Variants in ZMYM1 observed in about 807,000 individuals in gnomAD.
ZMYM1 encodes zinc finger MYM-type containing 1, also known as zinc finger MYM-type protein 1.
Under a neutral mutation model 60.0 loss-of-function variants are expected in ZMYM1, and 39 were observed. The ratio of observed to expected loss-of-function variants is 0.65; its 90% CI spans 0.50 to 0.85. ZMYM1 has a LOEUF of 0.85. Ranked by LOEUF, ZMYM1 falls within the 40% of genes least tolerant of loss-of-function variation. The probability of loss-of-function intolerance (pLI) is 0.00; values close to 1 mark genes in which losing one functional copy is unlikely to be tolerated. For synonymous variants in ZMYM1, 413 were observed against 454.0 expected, an observed-to-expected ratio of 0.91 and a Z score of 1.15; for missense variants, 1,171 against 1,309.5, an observed-to-expected ratio of 0.89 and a Z score of 1.63.
intron 1 of ZMYM1, among the ~76,000 whole-genome samples, chr1:35,086,710 T>G (rs544149235): frequency 2.1e-4 from 32 of 152,088 alleles, no homozygotes; most frequent in South Asian, 8.3e-4. Flanking sequence ...AGATGCAGTT[T>G]CGCACTGTCA....
rs979288971 is a variant in ZMYM1 at position 35,104,335 on chromosome 1, G to A, written c.460G>A (p.Glu154Lys). 2 of 1,606,908 alleles carry A rather than the reference G, an allele frequency of 1.2e-6. No homozygotes were observed. Among genetic ancestry groups the A allele is most frequent in the African/African-American group, 1.3e-5 (1 of 74,300 alleles). Residue 154 changes from glutamate to lysine, a missense_variant, in exon 5 of 10, where the codon GAA (glutamate) becomes AAA (lysine). Transcript: ENST00000359858. ...AAAGGATGTGATTAGTGTCCAGCTG[G>A]AAGACACTACCTCTTGCAAAACTTT... is the stretch of plus-strand genomic sequence containing the variant. ...NPKDVISVQLEDTTSCKTFCS... is the reference protein window; with the variant it reads ...NPKDVISVQLKDTTSCKTFCS...
intron 1 of ZMYM1, among the ~76,000 whole-genome samples, chr1:35,086,369 A>G (rs1642654638): frequency 6.6e-6 from 1 of 151,996 alleles, no homozygotes; most frequent in Non-Finnish European, 1.5e-5. Flanking sequence ...TGGTGGCGCA[A>G]TCATATCTCA....
At chr1:35,105,156 A>C (rs1643857178) in intron 6 of ZMYM1, among the ~76,000 whole-genome samples, 1 of 102,666 alleles carries the variant, frequency 9.7e-6, no homozygotes, top group South Asian at 3.2e-4. Flanking sequence ...TTTTGGTGAG[A>C]TGGAGTCTTC....
chr1:35,108,837 T>C (rs1030106463), intron 6 of ZMYM1, among the ~76,000 whole-genome samples: 5 of 151,500 alleles, frequency 3.3e-5, no homozygotes, highest in African/African-American at 1.2e-4. Context: ...CAGCCTCCCA[T>C]GTAGCTGGGA....
At chr1:35,111,248 A>G (rs990030676) in intron 7 of ZMYM1, among the ~76,000 whole-genome samples, 10 of 152,220 alleles carry the variant, frequency 6.6e-5, no homozygotes, top group East Asian at 1.9e-4. Flanking sequence ...TATTCCATCA[A>G]AAAGCCTCAT....
upstream of ZMYM1, among the ~76,000 whole-genome samples, chr1:35,074,930 G>A (rs186316604): frequency 4.0e-5 from 6 of 151,208 alleles, no homozygotes; most frequent in East Asian, 2.0e-4. Context: ...GCGCGATCTC[G>A]GCTCACTGCA....
At chr1:35,101,960 T>C (rs1363963598) in intron 4 of ZMYM1, among the ~76,000 whole-genome samples, 2 of 152,192 alleles carry the variant, frequency 1.3e-5, no homozygotes, top group Admixed American at 1.3e-4. Flanking sequence ...ATTATGAATA[T>C]TAACTGTATC....
Position 35,093,925 on chromosome 1 carries a change from C to A in ZMYM1, c.-63C>A. The A allele has an allele frequency of 8.6e-7, 1 of 1,159,568 alleles. No homozygotes were observed. Among genetic ancestry groups the A allele is most frequent in the Non-Finnish European group, 1.2e-6 (1 of 818,382 alleles). 71.8% of individuals were successfully genotyped at this position (1,159,568 alleles called of 1,614,324 possible). On this transcript the variant is annotated 5_prime_UTR_variant, in exon 2 of 10. It adds an upstream start codon to the 5' untranslated region. Transcript: ENST00000359858. ...ATATTTTATTTTAGGAATCTGGAAA[C>A]TGTTCTTCAGGAAGAAACCCATTAG...
At chr1:35,092,611 TCTTTCTTTC>T (rs1643091778) in intron 1 of ZMYM1, among the ~76,000 whole-genome samples, 1 of 146,858 alleles carries the variant, frequency 6.8e-6, no homozygotes, top group Admixed American at 6.7e-5. Context: ...TTCCTTTCTT[TCTTTCTTTC>T]CTTTCTTTTC....
intron 2 of ZMYM1, among the ~76,000 whole-genome samples, 178 bp downstream of exon 2, chr1:35,094,261 T>C (rs910464949): frequency 6.6e-6 from 1 of 152,144 alleles, no homozygotes; most frequent in Non-Finnish European, 1.5e-5. Flanking sequence ...GTAAGAAAAT[T>C]ATTTGAGGAA....
Position 35,093,918 on chromosome 1 carries a change from C to A in ZMYM1, c.-70C>A. 1.9e-6 allele frequency: 2 copies of A among 1,075,140 alleles called. No individual in the cohort carries two copies. Among genetic ancestry groups the A allele is most frequent in the Non-Finnish European group, 2.7e-6 (2 of 749,400 alleles). 66.6% of individuals were successfully genotyped at this position (1,075,140 alleles called of 1,614,324 possible). A position where few individuals can be genotyped will look rare whatever the true frequency, so the allele number is the denominator to read the frequency against. On this transcript the variant is annotated 5_prime_UTR_variant, in exon 2 of 10. In the 5' UTR this introduces an upstream ATG that the reference lacks. Coordinates refer to ENST00000359858, the MANE Select transcript of ZMYM1 (RefSeq NM_024772.5). Reference sequence around the variant, plus strand: ...TTTATCAATATTTTATTTTAGGAATCTGGAAACTGTTCTTCAGGAAGAAAC... The same window carrying A: ...TTTATCAATATTTTATTTTAGGAATATGGAAACTGTTCTTCAGGAAGAAAC...
At chr1:35,118,148 G>A (rs971305034), downstream of ZMYM1, among the ~76,000 whole-genome samples, 2 of 151,194 alleles carry the variant, frequency 1.3e-5, no homozygotes, top group African/African-American at 4.9e-5. Flanking sequence ...GGCTAAGGCA[G>A]GAGAATCACT....
intron 1 of ZMYM1, among the ~76,000 whole-genome samples, chr1:35,070,382 T>C (rs1642045345): frequency 6.6e-6 from 1 of 152,220 alleles, no homozygotes; most frequent in Non-Finnish European, 1.5e-5. Flanking sequence ...ACTTTTCTAA[T>C]AGTTCACTAT....
At chr1:35,112,220 C>T (rs1644113174) in intron 9 of ZMYM1, 90 bp downstream of exon 9, 1 of 1,344,078 alleles carries the variant, frequency 7.4e-7, no homozygotes, top group African/African-American at 1.4e-5. Flanking sequence ...CTCTGCCACC[C>T]AAGCTGGAGT....
At chr1:35,100,664 A>C (rs893032861) in intron 4 of ZMYM1, among the ~76,000 whole-genome samples, 2 of 151,784 alleles carry the variant, frequency 1.3e-5, no homozygotes, top group Non-Finnish European at 2.9e-5. Context: ...GGAACTTTGT[A>C]TTTAAGAAGT....
In ZMYM1 at chr1:35,114,214, G is replaced by A. The variant is rs368144976; in HGVS notation, c.2384G>A (p.Ser795Asn). 1.2e-6 allele frequency: 2 copies of A among 1,613,324 alleles called. No homozygotes were observed. Among genetic ancestry groups the A allele is most frequent in the African/African-American group, 2.7e-5 (2 of 74,908 alleles). Reference sequence around the variant, plus strand: ...AATTTTCGAAACATTTATAGGCTAAGTCAAAACAAAACATGCAAGAAACAT... The same window carrying A: ...AATTTTCGAAACATTTATAGGCTAAATCAAAACAAAACATGCAAGAAACAT... ...LANFRNIYRLSQNKTCKKHIS... is the reference protein window; with the variant it reads ...LANFRNIYRLNQNKTCKKHIS... Residue 795 changes from serine (S) to asparagine (N), a missense_variant, in exon 10 of 10, where the codon AGT becomes AAT. Physicochemically the swap from Ser to Asn is conservative, Grantham distance 46. Transcript: ENST00000359858.
intron 9 of ZMYM1, 27 bp downstream of exon 9, chr1:35,112,157 T>C (rs771778521): frequency 6.2e-7 from 1 of 1,610,080 alleles, no homozygotes; most frequent in African/African-American, 1.3e-5. Flanking sequence ...TTTACCACTG[T>C]CTTTTTTTAA....
chr1:35,106,257 G>A (rs1323303540), intron 6 of ZMYM1, among the ~76,000 whole-genome samples: 4 of 152,048 alleles, frequency 2.6e-5, no homozygotes, highest in Non-Finnish European at 5.9e-5. Flanking sequence ...TCTTAGATAT[G>A]TTGCTTGTTC....
intron 1 of ZMYM1, among the ~76,000 whole-genome samples, chr1:35,069,853 C>A (rs1019003834): frequency 1.3e-5 from 2 of 152,118 alleles, no homozygotes; most frequent in Non-Finnish European, 2.9e-5. Context: ...TGTCTTTTAC[C>A]CAATGTGTGC....
Sources: allele counts gnomAD v4.1 joint callset (sites outside exome capture counted in the v4.1 genomes callset), GRCh38; gene constraint gnomAD v4.1.1; transcripts MANE v1.5; gene names NCBI Gene and HGNC (gene_info 2026-07-23, HGNC 2026-07-21).